ZBTB20: variants seen among roughly 807,000 people sequenced by gnomAD.
The protein encoded by ZBTB20 is zinc finger and BTB domain-containing protein 20.
A neutral mutation model predicts 56.9 loss-of-function variants in ZBTB20; 9 were observed. The observed-to-expected ratio is 0.16, with a 90% CI of 0.10 to 0.28. ZBTB20 has a LOEUF of 0.28. ZBTB20 is among the 10% of genes least tolerant of loss of function. The probability of loss-of-function intolerance (pLI) is 1.00; values close to 1 mark genes in which losing one functional copy is unlikely to be tolerated. For missense variants in ZBTB20, 655 were observed against 1,003.0 expected, an observed-to-expected ratio of 0.65 and a Z score of 4.69; for synonymous variants, 417 against 420.7, an observed-to-expected ratio of 0.99 and a Z score of 0.11.
At chr3:114,883,008 A>C (rs1347605409) in intron 4 of ZBTB20, among the ~76,000 whole-genome samples, 1 of 152,220 alleles carries the variant, frequency 6.6e-6, no homozygotes, top group Non-Finnish European at 1.5e-5. Context: ...ACAGTAAATC[A>C]TTCAACTTCA....
chr3:114,902,163 C>T (rs1027261496), intron 3 of ZBTB20, among the ~76,000 whole-genome samples: 1 of 152,180 alleles, frequency 6.6e-6, no homozygotes, highest in Non-Finnish European at 1.5e-5. Context: ...GGAATCTACA[C>T]AAGTAATTCA....
intron 3 of ZBTB20, among the ~76,000 whole-genome samples, chr3:114,954,150 G>A (rs1291492226): frequency 6.6e-6 from 1 of 152,048 alleles, no homozygotes; most frequent in Non-Finnish European, 1.5e-5. Context: ...TTAAATATTT[G>A]TGTAATCCAA....
At chr3:114,894,335 A>G (rs2074775817) in intron 4 of ZBTB20, among the ~76,000 whole-genome samples, 1 of 152,208 alleles carries the variant, frequency 6.6e-6, no homozygotes, top group African/African-American at 2.4e-5. Context: ...ACATGCATAT[A>G]TATACATATA....
chr3:114,619,474 T>C (rs1216624079), intron 6 of ZBTB20, among the ~76,000 whole-genome samples: 1 of 152,136 alleles, frequency 6.6e-6, no homozygotes, highest in Non-Finnish European at 1.5e-5. Flanking sequence ...TTAAAGCATG[T>C]TTTATTATAC....
chr3:114,446,477 T>C (rs2091279059), intron 7 of ZBTB20, among the ~76,000 whole-genome samples: 1 of 152,188 alleles, frequency 6.6e-6, no homozygotes, highest in Non-Finnish European at 1.5e-5. Context: ...GATAGTTTTG[T>C]TTAAAAGATG....
intron 6 of ZBTB20, among the ~76,000 whole-genome samples, chr3:114,611,423 A>G (rs2057542051): frequency 6.6e-6 from 1 of 152,202 alleles, no homozygotes; most frequent in African/African-American, 2.4e-5. Flanking sequence ...TCAAGCTGTC[A>G]AACATCAAGA....
At chr3:114,418,036 T>A (rs546455673) in intron 7 of ZBTB20, among the ~76,000 whole-genome samples, 1 of 152,186 alleles carries the variant, frequency 6.6e-6, no homozygotes, top group East Asian at 1.9e-4. Context: ...CCATTTCCTA[T>A]CCTTCATAAA....
chr3:115,105,368 A>T (rs1180075079), intron 1 of ZBTB20, among the ~76,000 whole-genome samples: 1 of 152,206 alleles, frequency 6.6e-6, no homozygotes, highest in East Asian at 1.9e-4. Context: ...GAGATCACAT[A>T]GCATAATAAT....
Position 114,663,268 on chromosome 3 carries a change from A to T in ZBTB20, c.-295+30260T>A, listed in dbSNP as rs1366068922. The stretch of plus-strand genomic sequence containing the variant: ...TAAAGAAAAGAATTTTCAACCCAGA[A>T]TTTCATATCCAGCCAAACTATGCTT... On this transcript the variant is annotated intron_variant, in intron 6 of 11. Transcript: ENST00000675478. 4.0e-5 allele frequency among the ~76,000 whole-genome samples: 6 copies of T among 150,762 alleles called. No individual in the cohort carries two copies. In the South Asian group the frequency reaches 1.1e-3, roughly 27 times the overall value.
intron 5 of ZBTB20, among the ~76,000 whole-genome samples, chr3:114,757,564 G>A (rs912743445): frequency 1.3e-5 from 2 of 152,010 alleles, no homozygotes; most frequent in South Asian, 4.1e-4. Flanking sequence ...CTAAATAATG[G>A]ACCAAATTTT....
chr3:114,969,643 T>C (rs2077789578), intron 3 of ZBTB20, among the ~76,000 whole-genome samples: 2 of 152,200 alleles, frequency 1.3e-5, no homozygotes, highest in Non-Finnish European at 2.9e-5. Flanking sequence ...ATCTAACCAT[T>C]ACTATGGCAA....
intron 5 of ZBTB20, among the ~76,000 whole-genome samples, chr3:114,732,388 T>C (rs1560182619): frequency 6.6e-6 from 1 of 152,134 alleles, no homozygotes; most frequent in Non-Finnish European, 1.5e-5. Flanking sequence ...ATGAACGGTA[T>C]GTTGGTCAGA....
chr3:114,521,053 A>G (rs1577261795), intron 6 of ZBTB20, among the ~76,000 whole-genome samples: 1 of 152,160 alleles, frequency 6.6e-6, no homozygotes, highest in East Asian at 1.9e-4. Flanking sequence ...ATATTAATTT[A>G]TTAAACTTAC....
chr3:114,441,069 G>C (rs1481858932), intron 7 of ZBTB20, among the ~76,000 whole-genome samples: 2 of 151,980 alleles, frequency 1.3e-5, no homozygotes, highest in Admixed American at 1.3e-4. Context: ...TATCTCTTTT[G>C]TCGATTATTT....
At chr3:114,867,974 T>C (rs2075835130) in intron 4 of ZBTB20, among the ~76,000 whole-genome samples, 1 of 152,198 alleles carries the variant, frequency 6.6e-6, no homozygotes, top group Non-Finnish European at 1.5e-5. Context: ...TAACTTTGTT[T>C]AGTTAGATTT....
chr3:114,401,382 C>T (rs1254573871), intron 7 of ZBTB20, among the ~76,000 whole-genome samples: 1 of 152,104 alleles, frequency 6.6e-6, no homozygotes, highest in Non-Finnish European at 1.5e-5. Context: ...ACCCCAAACC[C>T]CCAAAACAGA....
intron 6 of ZBTB20, among the ~76,000 whole-genome samples, chr3:114,512,512 C>T (rs1332136337): frequency 6.6e-6 from 1 of 152,102 alleles, no homozygotes; most frequent in Non-Finnish European, 1.5e-5. Flanking sequence ...TAACCACCTG[C>T]CATGATGATT....
At chr3:114,835,671 G>C (rs1342077171) in intron 4 of ZBTB20, among the ~76,000 whole-genome samples, 1 of 152,124 alleles carries the variant, frequency 6.6e-6, no homozygotes, top group Non-Finnish European at 1.5e-5. Flanking sequence ...TTTAGTATTT[G>C]AGAATCAGTT....
At chr3:114,512,228 TG>T (rs1487631577) in intron 6 of ZBTB20, among the ~76,000 whole-genome samples, 4 of 152,208 alleles carry the variant, frequency 2.6e-5, no homozygotes, top group Non-Finnish European at 4.4e-5. Flanking sequence ...TTTATGTCCT[TG>T]TTAAATATCA....
Sources: gnomAD v4.1 joint callset for allele counts (sites outside exome capture counted in the v4.1 genomes callset) on GRCh38, gnomAD v4.1.1 for gene constraint, MANE v1.5 for transcripts, NCBI Gene and HGNC (gene_info 2026-07-23, HGNC 2026-07-21) for gene names.